DNER: variants seen among roughly 807,000 people sequenced by gnomAD.
DNER encodes delta and Notch-like epidermal growth factor-related receptor.
A neutral mutation model predicts 78.2 loss-of-function variants in DNER; 33 were observed. The observed-to-expected ratio is 0.42, with a 90% CI of 0.32 to 0.56. The LOEUF (loss-of-function observed/expected upper bound fraction) is 0.56, where lower values mean the gene tolerates loss of function less well. Among genes scored for constraint, DNER ranks in the 20% least tolerant of loss-of-function variants. The probability of loss-of-function intolerance (pLI) is 0.11; values close to 1 mark genes in which losing one functional copy is unlikely to be tolerated. For synonymous variants in DNER, 417 were observed against 384.8 expected, an observed-to-expected ratio of 1.08 and a Z score of -0.98; for missense variants, 918 against 975.3, an observed-to-expected ratio of 0.94 and a Z score of 0.78.
At chr2:229,380,453 G>C (rs759735629) in intron 11 of DNER, among the ~76,000 whole-genome samples, 2 of 152,176 alleles carry the variant, frequency 1.3e-5, no homozygotes, top group Non-Finnish European at 1.5e-5. Context: ...GACAGAGCGC[G>C]GAAGGGAGTT....
intron 6 of DNER, among the ~76,000 whole-genome samples, 155 bp downstream of exon 6, chr2:229,512,628 G>C (rs1328315227): frequency 6.6e-6 from 1 of 152,076 alleles, no homozygotes; most frequent in Non-Finnish European, 1.5e-5. Flanking sequence ...TACTACTTGG[G>C]TGATGAGTGC....
intron 1 of DNER, among the ~76,000 whole-genome samples, chr2:229,610,631 A>C (rs1698029431): frequency 6.6e-6 from 1 of 152,208 alleles, no homozygotes; most frequent in South Asian, 2.1e-4. Flanking sequence ...GGCATCTTAG[A>C]GAACGGTAAG....
In DNER at chr2:229,598,110, A is replaced by C. The variant is rs867172986; in HGVS notation, c.277-6222T>G. ...ACTTTAAAAGGCATGAAAAAGGCCC[A>C]TTGATAGGGTCATTAGATATAGTAA... On this transcript the variant is annotated intron_variant, in intron 1 of 12. Coordinates refer to ENST00000341772, the MANE Select transcript of DNER (RefSeq NM_139072.4). Among the ~76,000 whole-genome samples, 69 of 152,348 alleles carry C rather than the reference A, an allele frequency of 4.5e-4. No individual in the cohort carries two copies. The Middle Eastern group carries it at 0.01, about 23-fold the overall frequency.
At chr2:229,423,213 C>T (rs1693803502) in intron 8 of DNER, among the ~76,000 whole-genome samples, 1 of 152,166 alleles carries the variant, frequency 6.6e-6, no homozygotes. Context: ...CCTCATTCTT[C>T]ACAACAATGG....
chr2:229,710,299 A>G (rs1028454617), intron 1 of DNER, among the ~76,000 whole-genome samples: 2 of 152,146 alleles, frequency 1.3e-5, no homozygotes, highest in East Asian at 1.9e-4. Flanking sequence ...CTTGCTCCCT[A>G]TTGTAACTAT....
In DNER at chr2:229,465,595, A is replaced by T. The variant is rs1279968985; in HGVS notation, c.1261+11545T>A. Among the ~76,000 whole-genome samples, 4 of 152,340 alleles carry T rather than the reference A, an allele frequency of 2.6e-5. No individual in the cohort carries two copies. The East Asian group carries it at 7.7e-4, about 29-fold the overall frequency. On this transcript the variant is annotated intron_variant, in intron 7 of 12. Coordinates refer to ENST00000341772, the MANE Select transcript of DNER (RefSeq NM_139072.4). ...GGAACTTAAAATAACATTTAAAAAA[A>T]AATAAAAAACAAACAGAATCTCAGC...
At chr2:229,468,865 A>C (rs1301344636) in intron 7 of DNER, among the ~76,000 whole-genome samples, 1 of 152,016 alleles carries the variant, frequency 6.6e-6, no homozygotes, top group African/African-American at 2.4e-5. Flanking sequence ...AGGGGCCTCC[A>C]ATTCTGAATA....
At chr2:229,581,328 A>C (rs1383095390) in intron 4 of DNER, among the ~76,000 whole-genome samples, 1 of 152,224 alleles carries the variant, frequency 6.6e-6, no homozygotes, top group East Asian at 1.9e-4. Context: ...ACTCTTTGAA[A>C]ATACGAAACA....
chr2:229,467,273 G>T (rs1157560060), intron 7 of DNER, among the ~76,000 whole-genome samples: 2 of 152,160 alleles, frequency 1.3e-5, no homozygotes, highest in Non-Finnish European at 2.9e-5. Flanking sequence ...CTTTAAAAAT[G>T]GGCTAAATGA....
intron 1 of DNER, among the ~76,000 whole-genome samples, chr2:229,594,470 C>A (rs2154214725): frequency 6.6e-6 from 1 of 152,172 alleles, no homozygotes; most frequent in South Asian, 2.1e-4. Flanking sequence ...ACCTGTAATC[C>A]CAGCTACTAG....
intron 4 of DNER, among the ~76,000 whole-genome samples, chr2:229,556,482 T>C (rs1055538400): frequency 7.2e-5 from 11 of 152,244 alleles, no homozygotes; most frequent in Non-Finnish European, 1.3e-4. Flanking sequence ...TAAGAACCAC[T>C]GGTCTGGTAC....
intron 1 of DNER, among the ~76,000 whole-genome samples, chr2:229,608,048 G>A (rs1026377748): frequency 2.1e-5 from 3 of 145,712 alleles, no homozygotes; most frequent in Admixed American, 1.4e-4. Context: ...AAAAAGTAGT[G>A]TAGGAAAGAT....
chr2:229,430,762 A>G (rs1312005667), intron 8 of DNER, among the ~76,000 whole-genome samples: 1 of 151,304 alleles, frequency 6.6e-6, no homozygotes, highest in Non-Finnish European at 1.5e-5. Context: ...TTTTATGGGT[A>G]TTTTATTTGT....
intron 1 of DNER, among the ~76,000 whole-genome samples, chr2:229,602,679 A>T (rs1446999993): frequency 6.6e-6 from 1 of 152,216 alleles, no homozygotes; most frequent in African/African-American, 2.4e-5. Flanking sequence ...CAAACTAAAG[A>T]TCCTTTTCTC....
intron 1 of DNER, among the ~76,000 whole-genome samples, chr2:229,640,645 G>A (rs1192817302): frequency 2.0e-5 from 3 of 152,182 alleles, no homozygotes; most frequent in Non-Finnish European, 2.9e-5. Context: ...CGCGTCTGAG[G>A]TTGACAGTTT....
At chr2:229,436,655 A>C (rs1694124733) in intron 8 of DNER, among the ~76,000 whole-genome samples, 1 of 152,102 alleles carries the variant, frequency 6.6e-6, no homozygotes, top group Non-Finnish European at 1.5e-5. Context: ...AACATTCAAA[A>C]GAAAAAAAAA....
intron 4 of DNER, among the ~76,000 whole-genome samples, chr2:229,555,016 G>A (rs1158195047): frequency 1.3e-5 from 2 of 149,948 alleles, no homozygotes; most frequent in African/African-American, 4.9e-5. Context: ...AAGAGAAAGG[G>A]AAGGAAGGAA....
chr2:229,677,465 C>T (rs59320950), intron 1 of DNER, among the ~76,000 whole-genome samples: 3 of 152,124 alleles, frequency 2.0e-5, no homozygotes, highest in African/African-American at 4.8e-5. Context: ...ATTTTATGCA[C>T]GACACTAAAA....
chr2:229,462,001 T>C (rs1274258808), intron 7 of DNER, among the ~76,000 whole-genome samples: 1 of 152,072 alleles, frequency 6.6e-6, no homozygotes, highest in African/African-American at 2.4e-5. Flanking sequence ...AGAATTACAA[T>C]GGAAAATAAA....
Sources: allele counts gnomAD v4.1 joint callset (sites outside exome capture counted in the v4.1 genomes callset), GRCh38; gene constraint gnomAD v4.1.1; transcripts MANE v1.5; gene names NCBI Gene and HGNC (gene_info 2026-07-23, HGNC 2026-07-21).